Variants in CCNT1 observed in about 807,000 individuals in gnomAD.
CCNT1 encodes cyclin-T1.
In CCNT1, 18 loss-of-function variants were observed where a neutral mutation model predicts 67.3. That is an observed-to-expected ratio of 0.27 (90% CI 0.18 to 0.40). The LOEUF (loss-of-function observed/expected upper bound fraction) is 0.40, where lower values mean the gene tolerates loss of function less well. CCNT1 is among the 10% of genes least tolerant of loss of function. The pLI, the probability that CCNT1 is intolerant of heterozygous loss-of-function variation, is 1.00. For missense variants in CCNT1, 744 were observed against 884.9 expected, an observed-to-expected ratio of 0.84 and a Z score of 2.02; for synonymous variants, 333 against 310.3, an observed-to-expected ratio of 1.07 and a Z score of -0.77.
rs2137215286 is a variant in CCNT1 at position 48,688,481 on chromosome 12, A to T, written c.*4552T>A. ...AATGAGTGTTTTACCATTAACATTT[A>T]TTGATGGGATGGATAAATACAGATT... On this transcript the variant is annotated 3_prime_UTR_variant, in exon 9 of 9. Coordinates refer to ENST00000261900, the MANE Select transcript of CCNT1 (RefSeq NM_001240.4). 1 of 152,204 alleles carries T rather than the reference A, an allele frequency of 6.6e-6. No homozygotes were observed. The highest frequency in any genetic ancestry group is 2.1e-4 in the South Asian group (1 of 4,830). 9.4% of individuals were successfully genotyped at this position (152,204 alleles called of 1,614,324 possible). A position where few individuals can be genotyped will look rare whatever the true frequency, so the allele number is the denominator to read the frequency against.
At chr12:48,695,348 T>A (rs1295353300) in intron 8 of CCNT1, among the ~76,000 whole-genome samples, 2 of 152,224 alleles carry the variant, frequency 1.3e-5, no homozygotes, top group African/African-American at 2.4e-5. Context: ...CTACAGCCTA[T>A]ATAAAAACAA....
rs77650203 is a variant in CCNT1 at position 48,713,898 on chromosome 12, T to A, written c.243+545A>T. On this transcript the variant is annotated intron_variant, in intron 2 of 8. Coordinates refer to ENST00000261900, the MANE Select transcript of CCNT1 (RefSeq NM_001240.4). ...CTTTAGATGTCTGATAATCTGTTTT[T>A]TGGGGTTTTTTTTGAAGACAGGGTC... Among the ~76,000 whole-genome samples, 888 of 151,998 alleles carry A rather than the reference T, an allele frequency of 5.8e-3. 8 individuals are homozygous for A. The highest frequency in any genetic ancestry group is 0.02 in the African/African-American group (811 of 41,316).
chr12:48,701,709 C>T (rs898531216), intron 3 of CCNT1, among the ~76,000 whole-genome samples: 1 of 151,648 alleles, frequency 6.6e-6, no homozygotes, highest in Non-Finnish European at 1.5e-5. Flanking sequence ...CCGGTTCAAA[C>T]AATTCTCCTG....
chr12:48,691,671 A>G lies in CCNT1; in HGVS notation c.*1362T>C, dbSNP rs537149587. ...GAACCTCGATCAAGAACCTAAAGCT[A>G]CCAAAGATGAACAATCTAAACACAA... On this transcript the variant is annotated 3_prime_UTR_variant, in exon 9 of 9. Coordinates refer to ENST00000261900, the MANE Select transcript of CCNT1 (RefSeq NM_001240.4). The G allele has an allele frequency of 6.6e-6, 1 of 152,314 alleles. No homozygotes were observed. Among genetic ancestry groups the G allele is most frequent in the South Asian group, 2.1e-4 (1 of 4,828 alleles). The allele number at this position is 152,314 out of a possible 1,614,324, so 9.4% of individuals were successfully genotyped here.
At chr12:48,699,635 A>G in intron 5 of CCNT1, 143 bp downstream of exon 5, 1 of 542,870 alleles carries the variant, frequency 1.8e-6, no homozygotes, top group Middle Eastern at 2.9e-4. Flanking sequence ...AAAAACATCA[A>G]GTCAGAACAA....
At chr12:48,697,796 G>A (rs1427382457) in intron 6 of CCNT1, among the ~76,000 whole-genome samples, 2 of 140,630 alleles carry the variant, frequency 1.4e-5, no homozygotes, top group African/African-American at 5.3e-5. Context: ...TCCAGCCTGG[G>A]CAACAGAGCA....
Position 48,714,534 on chromosome 12 carries a change from T to C in CCNT1, c.162-10A>G, listed in dbSNP as rs1456045045. On this transcript the variant is annotated splice_polypyrimidine_tract_variant and intron_variant, in intron 1 of 8. Coordinates refer to ENST00000261900, the MANE Select transcript of CCNT1 (RefSeq NM_001240.4). ...GATAGTCAATTGTGAGCTGAAGTGT[T>C]CAAGTTAAGATCCAAAAACAGGCAG... 1 of 1,582,780 alleles carries C rather than the reference T, an allele frequency of 6.3e-7. No individual in the cohort carries two copies. Among genetic ancestry groups the C allele is most frequent in the Non-Finnish European group, 8.7e-7 (1 of 1,151,880 alleles).
At chr12:48,707,228 T>TA (rs1940375244) in intron 2 of CCNT1, among the ~76,000 whole-genome samples, 1 of 151,684 alleles carries the variant, frequency 6.6e-6, no homozygotes, top group African/African-American at 2.4e-5. Context: ...TTTTCAATAC[T>TA]AAACTGAGTA....
chr12:48,703,219 C>T (rs1384773817), intron 3 of CCNT1, among the ~76,000 whole-genome samples: 1 of 151,662 alleles, frequency 6.6e-6, no homozygotes, highest in Admixed American at 6.6e-5. Context: ...TCGAGACCAT[C>T]CTGGCTACAA....
intron 2 of CCNT1, among the ~76,000 whole-genome samples, chr12:48,706,384 T>A (rs1324993046): frequency 6.6e-6 from 1 of 152,190 alleles, no homozygotes; most frequent in Non-Finnish European, 1.5e-5. Context: ...GTTGCACAAT[T>A]TTGCGCATAT....
intron 1 of CCNT1, 60 bp downstream of exon 1, chr12:48,716,455 C>T (rs1592129061): frequency 1.3e-6 from 2 of 1,492,872 alleles, no homozygotes; most frequent in East Asian, 4.7e-5. Context: ...AGCCTGAGAC[C>T]CGGACGCCAG....
At chr12:48,716,265 C>T (rs1057120370) in intron 1 of CCNT1, among the ~76,000 whole-genome samples, 1 of 152,234 alleles carries the variant, frequency 6.6e-6, no homozygotes, top group African/African-American at 2.4e-5. Context: ...CTGGTTAAAA[C>T]ACAAAGCCGG....
Position 48,694,525 on chromosome 12 carries a change from T to C in CCNT1, c.778-89A>G, listed in dbSNP as rs574959746. 2.6e-6 allele frequency: 3 copies of C among 1,163,362 alleles called. No homozygotes were observed. In the South Asian group the frequency reaches 4.4e-5, roughly 17 times the overall value. The allele number at this position is 1,163,362 out of a possible 1,614,324, so 72.1% of individuals were successfully genotyped here. ...GAGTAGATTGTACTTGCAGCAACAC[T>C]GGAAGTTCTGGATAGGCCACAGGCA... On this transcript the variant is annotated intron_variant, in intron 8 of 8. Coordinates refer to ENST00000261900, the MANE Select transcript of CCNT1 (RefSeq NM_001240.4).
rs762511698 is a variant in CCNT1 at position 48,693,548 on chromosome 12, G to T, written c.1666C>A (p.His556Asn). Residue 556 changes from histidine (H) to asparagine (N), a missense_variant, in exon 9 of 9, where the codon CAT (histidine) becomes AAT (asparagine). This residue lies in a region of CCNT1 where 564 missense variants were observed against 574.2 expected (regional missense o/e 0.98). Coordinates refer to ENST00000261900, the MANE Select transcript of CCNT1 (RefSeq NM_001240.4). The stretch of plus-strand genomic sequence containing the variant: ...GAACTAGACAAGCTATAGGTTTTAT[G>T]TGCTAAGTTGCTTGTCTGGCTACTA... ...KHSSQTSNLA[H>N]KTYSLSSSFS... 2.5e-6 allele frequency: 4 copies of T among 1,614,194 alleles called. No homozygotes were observed. The highest frequency in any genetic ancestry group is 2.5e-6 in the Non-Finnish European group (3 of 1,180,034).
At chr12:48,698,349 A>G (rs866169950) in intron 5 of CCNT1, among the ~76,000 whole-genome samples, 166 bp from the exon 6 acceptor site, 1 of 152,208 alleles carries the variant, frequency 6.6e-6, no homozygotes, top group Admixed American at 6.5e-5. Flanking sequence ...CATTCTGCCA[A>G]AGTAGACAGA....
At chr12:48,715,015 G>T (rs552780683) in intron 1 of CCNT1, among the ~76,000 whole-genome samples, 1 of 152,286 alleles carries the variant, frequency 6.6e-6, no homozygotes, top group Non-Finnish European at 1.5e-5. Context: ...GTTTCACCAT[G>T]TTGGCCAGGC....
chr12:48,693,492 C>T lies in CCNT1; in HGVS notation c.1722G>A (p.Arg574=). 1 of 1,614,120 alleles carries T rather than the reference C, an allele frequency of 6.2e-7. No individual in the cohort carries two copies. Among genetic ancestry groups the T allele is most frequent in the East Asian group, 2.2e-5 (1 of 44,880 alleles). ...SFSSSSSTRK[R]GPSEETGGAV... The stretch of plus-strand genomic sequence containing the variant: ...CCCCTCCAGTCTCTTCAGAGGGTCC[C>T]CTTTTACGAGTAGAACTGGAAGAGG... The change falls in exon 9 of 9, where the codon AGG becomes AGA. Residue 574 remains arginine (R), a synonymous_variant. Transcript: ENST00000261900.
intron 2 of CCNT1, among the ~76,000 whole-genome samples, chr12:48,706,210 AT>A (rs990827087): frequency 6.6e-6 from 1 of 152,198 alleles, no homozygotes; most frequent in African/African-American, 2.4e-5. Context: ...CACTCAATAC[AT>A]TTTTTAAGGA....
In CCNT1 at chr12:48,691,471, T is replaced by A. The variant is rs1565614087; in HGVS notation, c.*1562A>T. 1 of 152,232 alleles carries A rather than the reference T, an allele frequency of 6.6e-6. No individual in the cohort carries two copies. 9.4% of individuals were successfully genotyped at this position (152,232 alleles called of 1,614,324 possible). On this transcript the variant is annotated 3_prime_UTR_variant, in exon 9 of 9. Transcript: ENST00000261900. ...CAATGAAGATCAAAGAATATCTCATTAAATGATCTCTGGCTAGGTAGTTTT... is the reference window on the plus strand; with the variant it reads ...CAATGAAGATCAAAGAATATCTCATAAAATGATCTCTGGCTAGGTAGTTTT...
Sources: allele counts gnomAD v4.1 joint callset (sites outside exome capture counted in the v4.1 genomes callset), GRCh38; gene constraint gnomAD v4.1.1; regional missense constraint gnomAD v4.1.1; transcripts MANE v1.5; gene names NCBI Gene and HGNC (gene_info 2026-07-23, HGNC 2026-07-21).